NAALADL2: variants seen among roughly 807,000 people sequenced by gnomAD.
The protein encoded by NAALADL2 is N-acetylated alpha-linked acidic dipeptidase like 2.
NAALADL2 carries 76 observed loss-of-function variants against 87.2 expected under a neutral mutation model. The observed-to-expected ratio is 0.87, with a 90% confidence interval of 0.72 to 1.05. NAALADL2 has a LOEUF of 1.05. NAALADL2 is among the 50% of genes least tolerant of loss of function. The pLI is 0.00. For missense variants in NAALADL2, 1,089 were observed against 945.8 expected (o/e 1.15, Z -1.99); for synonymous variants, 354 against 331.0 (o/e 1.07, Z -0.75).
intron 4 of NAALADL2, among the ~76,000 whole-genome samples, chr3:175,305,283 T>C (rs996125122): frequency 7.1e-6 from 1 of 141,092 alleles, no homozygotes; most frequent in African/African-American, 2.6e-5. Flanking sequence ...TGTGTATGTG[T>C]GTGTATGTGT....
At chr3:175,482,900 G>A (rs950992323) in intron 9 of NAALADL2, among the ~76,000 whole-genome samples, 1 of 151,684 alleles carries the variant, frequency 6.6e-6, no homozygotes, top group Non-Finnish European at 1.5e-5. Context: ...TAGATGTGGG[G>A]AATTAACTTT....
chr3:175,370,265 A>C (rs933156332), intron 5 of NAALADL2, among the ~76,000 whole-genome samples: 6 of 152,186 alleles, frequency 3.9e-5, no homozygotes, highest in Non-Finnish European at 7.3e-5. Flanking sequence ...ATCTTCCACT[A>C]TTCTCAACTA....
At chr3:175,478,400 A>G (rs1157195802) in intron 9 of NAALADL2, among the ~76,000 whole-genome samples, 3 of 151,940 alleles carry the variant, frequency 2.0e-5, no homozygotes, top group Non-Finnish European at 2.9e-5. Flanking sequence ...TTGTGTTAAA[A>G]CTAATGCATC....
intron 9 of NAALADL2, among the ~76,000 whole-genome samples, chr3:175,511,390 T>C (rs905320502): frequency 2.6e-5 from 4 of 152,178 alleles, no homozygotes; most frequent in African/African-American, 9.7e-5. Flanking sequence ...ATCTGACTGA[T>C]GTCCTTATAA....
chr3:174,687,072 G>T (rs1276861384), intron 2 of NAALADL2, among the ~76,000 whole-genome samples: 1 of 151,802 alleles, frequency 6.6e-6, no homozygotes, highest in Non-Finnish European at 1.5e-5. Flanking sequence ...TCCTCACACT[G>T]TCCTACAATG....
At chr3:175,734,976 A>C (rs1744308570) in intron 11 of NAALADL2, among the ~76,000 whole-genome samples, 1 of 152,150 alleles carries the variant, frequency 6.6e-6, no homozygotes, top group Admixed American at 6.5e-5. Flanking sequence ...CTTTTCTATC[A>C]CATTGTCAGG....
rs111640465 is a variant in NAALADL2 at position 174,778,690 on chromosome 3, C to T, written c.-9+40944C>T. 6.6e-5 allele frequency among the ~76,000 whole-genome samples: 10 copies of T among 152,192 alleles called. 1 individual carries two copies. The highest frequency in any genetic ancestry group is 2.2e-4 in the African/African-American group (9 of 41,522). ...TCCCCTCCCTGTGTCCATATGTTCT[C>T]ATTGTTCAACTCCTACTTCTGAGTG... On this transcript the variant is annotated intron_variant, in intron 3 of 3. Transcript: ENST00000434257.
At chr3:175,710,245 G>A (rs1180986475) in intron 11 of NAALADL2, among the ~76,000 whole-genome samples, 2 of 152,042 alleles carry the variant, frequency 1.3e-5, no homozygotes, top group South Asian at 4.1e-4. Context: ...CAGGAAAGTA[G>A]GAAAGTATGA....
In NAALADL2 at chr3:174,802,935, T is replaced by G. The variant is rs144365180; in HGVS notation, c.-9+65189T>G. Among the ~76,000 whole-genome samples, 170 of 152,308 alleles carry G rather than the reference T, an allele frequency of 1.1e-3. 1 individual carries two copies. The highest frequency in any genetic ancestry group is 0.011 in the East Asian group (56 of 5,182). ...CTTTGCTCTTGTGAATAGTGCACAA[T>G]AAACATATGTGTGCATGCGTCTTTA... On this transcript the variant is annotated intron_variant, in intron 3 of 3. Coordinates refer to the NAALADL2 transcript ENST00000434257.
chr3:174,921,865 G>A (rs1234691246), intron 1 of NAALADL2, among the ~76,000 whole-genome samples: 1 of 146,376 alleles, frequency 6.8e-6, no homozygotes, highest in Non-Finnish European at 1.5e-5. Context: ...GTATTTTAAA[G>A]GTGCAAAATC....
At chr3:175,242,980 C>T (rs1747208271) in intron 3 of NAALADL2, among the ~76,000 whole-genome samples, 1 of 152,064 alleles carries the variant, frequency 6.6e-6, no homozygotes, top group African/African-American at 2.4e-5. Flanking sequence ...AGCAAAATGT[C>T]TAGCACAGGG....
intron 5 of NAALADL2, among the ~76,000 whole-genome samples, chr3:175,393,479 T>C (rs1458329007): frequency 2.6e-5 from 4 of 151,982 alleles, no homozygotes; most frequent in Non-Finnish European, 5.9e-5. Context: ...TTTATAATTT[T>C]TTAGGTTATA....
At chr3:174,906,616 A>G (rs1452327096) in intron 1 of NAALADL2, among the ~76,000 whole-genome samples, 1 of 152,072 alleles carries the variant, frequency 6.6e-6, no homozygotes, top group Admixed American at 6.6e-5. Flanking sequence ...AATCTTGCCA[A>G]CAAGCATGTG....
chr3:174,924,864 C>T (rs2108376414), intron 1 of NAALADL2, among the ~76,000 whole-genome samples: 1 of 152,220 alleles, frequency 6.6e-6, no homozygotes, highest in East Asian at 1.9e-4. Context: ...TGCACAAATG[C>T]CTTCTTTTGA....
chr3:175,697,799 GTATATATATTTA>G (rs1738076806), intron 11 of NAALADL2, among the ~76,000 whole-genome samples: 3 of 140,176 alleles, frequency 2.1e-5, no homozygotes, highest in African/African-American at 5.3e-5. Context: ...GTGTATATAT[GTATATATATTTA>G]TGTATGTATA....
intron 11 of NAALADL2, among the ~76,000 whole-genome samples, chr3:175,686,925 C>A (rs1736376908): frequency 6.6e-6 from 1 of 152,038 alleles, no homozygotes; most frequent in Non-Finnish European, 1.5e-5. Context: ...CTATACCTAC[C>A]ATCTTATTTA....
intron 9 of NAALADL2, among the ~76,000 whole-genome samples, chr3:175,492,258 A>C (rs980809906): frequency 6.6e-6 from 1 of 152,116 alleles, no homozygotes; most frequent in African/African-American, 2.4e-5. Flanking sequence ...GCATGATTGG[A>C]CTCAATTGCT....
intron 2 of NAALADL2, among the ~76,000 whole-genome samples, chr3:174,610,659 G>A (rs1719733759): frequency 6.6e-6 from 1 of 151,988 alleles, no homozygotes; most frequent in South Asian, 2.1e-4. Context: ...TAAAAAGTCA[G>A]GAAACAACAG....
At chr3:175,540,779 A>G (rs1039481079) in intron 9 of NAALADL2, among the ~76,000 whole-genome samples, 1 of 152,168 alleles carries the variant, frequency 6.6e-6, no homozygotes, top group Non-Finnish European at 1.5e-5. Flanking sequence ...GAGAAACAGG[A>G]TAAGTGAATA....
Sources: gnomAD v4.1 joint callset for allele counts (sites outside exome capture counted in the v4.1 genomes callset) on GRCh38, gnomAD v4.1.1 for gene constraint, MANE v1.5 for transcripts, NCBI Gene and HGNC (gene_info 2026-07-23, HGNC 2026-07-21) for gene names.